Variants in ZNF536 observed in about 807,000 individuals in gnomAD.
The protein encoded by ZNF536 is zinc finger protein 536.
A neutral mutation model predicts 84.5 loss-of-function variants in ZNF536; 13 were observed. That is an observed-to-expected ratio of 0.15 (90% confidence interval 0.10 to 0.24). ZNF536 has a LOEUF of 0.24. Among genes scored for constraint, ZNF536 ranks in the 10% least tolerant of loss-of-function variants. ZNF536 has a pLI of 1.00. For missense variants in ZNF536, 1,536 were observed against 1,747.5 expected (o/e 0.88, Z 2.16); for synonymous variants, 811 against 742.5 (o/e 1.09, Z -1.50).
chr19:30,440,276 T>C (rs2051974812), intron 1 of ZNF536, among the ~76,000 whole-genome samples: 1 of 152,040 alleles, frequency 6.6e-6, no homozygotes, highest in African/African-American at 2.4e-5. Context: ...TGGCTTTCTC[T>C]TGGTGGTTTC....
intron 1 of ZNF536, among the ~76,000 whole-genome samples, chr19:30,689,086 G>C (rs1487286291): frequency 6.6e-6 from 1 of 152,238 alleles, no homozygotes; most frequent in Non-Finnish European, 1.5e-5. Context: ...AGAGGCACTA[G>C]CCTGAGCCCC....
At chr19:30,374,455 A>G (rs1230580269) in intron 1 of ZNF536, among the ~76,000 whole-genome samples, 2 of 152,218 alleles carry the variant, frequency 1.3e-5, no homozygotes, top group African/African-American at 2.4e-5. Context: ...TGTGATATCC[A>G]GTAGTGCTAA....
chr19:30,620,552 A>C (rs1257183516), intron 1 of ZNF536, among the ~76,000 whole-genome samples: 1 of 151,844 alleles, frequency 6.6e-6, no homozygotes, highest in Non-Finnish European at 1.5e-5. Context: ...GTCTGTGGGC[A>C]CCCTCCCTCC....
intron 1 of ZNF536, among the ~76,000 whole-genome samples, chr19:30,626,195 A>C (rs1351913674): frequency 6.6e-6 from 1 of 152,204 alleles, no homozygotes; most frequent in Non-Finnish European, 1.5e-5. Flanking sequence ...TCAGACACAC[A>C]CAAGAATTAT....
chr19:30,411,678 A>G (rs757856269), intron 1 of ZNF536, among the ~76,000 whole-genome samples: 5 of 152,100 alleles, frequency 3.3e-5, no homozygotes, highest in Admixed American at 6.5e-5. Flanking sequence ...ACTTCTGTAT[A>G]CTACCACATT....
chr19:30,570,776 G>C (rs1184942593), intron 1 of ZNF536, among the ~76,000 whole-genome samples: 2 of 151,806 alleles, frequency 1.3e-5, no homozygotes, highest in South Asian at 4.2e-4. Flanking sequence ...TTTTTGTGTT[G>C]GTGAAGTCTC....
At position 30,703,365 on chromosome 19, in the gene ZNF536, G is replaced by A. The variant is rs568696290; in HGVS notation, c.170-7392G>A. On this transcript the variant is annotated intron_variant, in intron 1 of 1. Coordinates refer to the ZNF536 transcript ENST00000592773. ...CATCACTTGTACAATATCACAGCCC[G>A]CACTGCCTCCCAGTGCTGTTTGGGA... Among the ~76,000 whole-genome samples the A allele has an allele frequency of 1.2e-4, 19 of 152,200 alleles. No homozygotes were observed. The East Asian group carries it at 1.9e-3, about 16-fold the overall frequency.
At chr19:30,694,181 C>A (rs567734910) in intron 1 of ZNF536, among the ~76,000 whole-genome samples, 1 of 152,188 alleles carries the variant, frequency 6.6e-6, no homozygotes, top group South Asian at 2.1e-4. Flanking sequence ...GCACAGCACA[C>A]CCTTGGCACA....
intron 1 of ZNF536, among the ~76,000 whole-genome samples, chr19:30,681,313 G>A (rs2050962674): frequency 6.6e-6 from 1 of 152,186 alleles, no homozygotes; most frequent in African/African-American, 2.4e-5. Flanking sequence ...TGTGCAAGGT[G>A]CTGAGGAGGT....
At chr19:30,262,833 C>T (rs2025298995) in intron 1 of ZNF536, among the ~76,000 whole-genome samples, 1 of 152,118 alleles carries the variant, frequency 6.6e-6, no homozygotes, top group South Asian at 2.1e-4. Context: ...CTGGTTTCCT[C>T]AATATTTGGG....
At chr19:30,346,156 A>C (rs1419522592) in intron 2 of ZNF536, among the ~76,000 whole-genome samples, 3 of 152,090 alleles carry the variant, frequency 2.0e-5, no homozygotes, top group Non-Finnish European at 4.4e-5. Flanking sequence ...TTCCAAGGAG[A>C]CACCTTGGGA....
intron 1 of ZNF536, among the ~76,000 whole-genome samples, chr19:30,599,022 C>G (rs1425579021): frequency 9.8e-6 from 1 of 101,902 alleles, no homozygotes; most frequent in Non-Finnish European, 1.9e-5. Context: ...TTCCTTCCTC[C>G]CTCCCTCCCT....
chr19:30,454,845 C>A (rs1049096519), intron 2 of ZNF536, among the ~76,000 whole-genome samples: 1 of 152,166 alleles, frequency 6.6e-6, no homozygotes, highest in Non-Finnish European at 1.5e-5. Flanking sequence ...CCAGCCTGGC[C>A]AACATGGCAA....
intron 2 of ZNF536, among the ~76,000 whole-genome samples, chr19:30,308,139 C>T (rs8113658): frequency 0.031 from 4,771 of 152,282 alleles, 272 homozygotes; most frequent in Admixed American, 0.15. Context: ...TGTCAGCCCT[C>T]ACCTGTGGAG....
intron 1 of ZNF536, among the ~76,000 whole-genome samples, chr19:30,634,683 G>A (rs2049003095): frequency 1.3e-5 from 2 of 152,120 alleles, no homozygotes; most frequent in Admixed American, 6.5e-5. Context: ...GGTGAATGTT[G>A]CATCCACGCG....
chr19:30,246,278 G>A (rs1431156154), intron 1 of ZNF536, among the ~76,000 whole-genome samples: 3 of 152,162 alleles, frequency 2.0e-5, no homozygotes, highest in Non-Finnish European at 4.4e-5. Flanking sequence ...TGTTGGGATT[G>A]TATTGCTCGC....
At chr19:30,673,804 G>A (rs1460122317) in intron 1 of ZNF536, among the ~76,000 whole-genome samples, 4 of 152,188 alleles carry the variant, frequency 2.6e-5, no homozygotes, top group African/African-American at 4.8e-5. Flanking sequence ...ACTGGTGACC[G>A]ACACACAGCC....
intron 1 of ZNF536, among the ~76,000 whole-genome samples, chr19:30,599,760 G>A (rs2047615650): frequency 6.6e-6 from 1 of 152,178 alleles, no homozygotes; most frequent in South Asian, 2.1e-4. Flanking sequence ...ATGAGGTTCT[G>A]TACATTTCAC....
At chr19:30,363,114 G>A (rs964799433) in intron 3 of ZNF536, among the ~76,000 whole-genome samples, 11 of 152,174 alleles carry the variant, frequency 7.2e-5, no homozygotes, top group Admixed American at 4.6e-4. Context: ...AAACTTTGAC[G>A]TGGCTCTCGT....
Sources: allele counts gnomAD v4.1 joint callset (sites outside exome capture counted in the v4.1 genomes callset), GRCh38; gene constraint gnomAD v4.1.1; transcripts MANE v1.5; gene names NCBI Gene and HGNC (gene_info 2026-07-23, HGNC 2026-07-21).